Variants in GNG3 observed in about 807,000 individuals in gnomAD.
GNG3 encodes the protein guanine nucleotide-binding protein G(I)/G(S)/G(O) subunit gamma-3.
GNG3 carries 4 observed loss-of-function variants against 5.6 expected under a neutral mutation model. The ratio of observed to expected loss-of-function variants is 0.71; its 90% CI spans 0.35 to 1.63. GNG3 has a LOEUF of 1.63. Ranked by LOEUF, GNG3 falls within the 40% of genes most tolerant of loss-of-function variation. GNG3 has a pLI of 0.05. For synonymous variants in GNG3, 30 were observed against 33.5 expected (o/e 0.89, Z 0.36); for missense variants, 62 against 96.6 (o/e 0.64, Z 1.50).
upstream of GNG3, chr11:62,707,486 C>A: frequency 3.1e-6 from 2 of 652,116 alleles, no homozygotes; most frequent in Non-Finnish European, 2.8e-6. Flanking sequence ...GCCCAGACCA[C>A]GCCATTTGAG....
Position 62,709,070 on chromosome 11 carries a change from C to A in GNG3, c.*264C>A. The stretch of plus-strand genomic sequence containing the variant: ...GCAGGGCCCCGTCAGACTCTGCCAG[C>A]GCGTCCTGCCCGCTTCCCTCGGTGA... On this transcript the variant is annotated 3_prime_UTR_variant, in exon 3 of 3. Transcript: ENST00000294117. The A allele has an allele frequency of 4.1e-6, 2 of 493,822 alleles. No homozygotes were observed. Among genetic ancestry groups the A allele is most frequent in the Admixed American group, 2.7e-5 (1 of 37,264 alleles). The allele number at this position is 493,822 out of a possible 1,614,324, so 30.6% of individuals were successfully genotyped here.
chr11:62,708,043 C>T, intron 1 of GNG3, 128 bp downstream of exon 1: 2 of 531,298 alleles, frequency 3.8e-6, no homozygotes, highest in Admixed American at 3.1e-5. Flanking sequence ...GCTGAAAAGC[C>T]TTAAATCATT....
At position 62,707,686 on chromosome 11, in the gene GNG3, C is replaced by G. The variant is rs2083565645; in HGVS notation, c.-231C>G. 4 of 379,392 alleles carry G rather than the reference C, an allele frequency of 1.1e-5. No individual in the cohort carries two copies. The Admixed American group carries it at 1.1e-4, about 11-fold the overall frequency. The allele number at this position is 379,392 out of a possible 1,614,324, so 23.5% of individuals were successfully genotyped here. A position where few individuals can be genotyped will look rare whatever the true frequency, so the allele number is the denominator to read the frequency against. ...GGATCTGAGCAGCTCCTTCTAGCAT[C>G]CTTCATCCTTCAGGTACCAGCCATC... On this transcript the variant is annotated 5_prime_UTR_variant, in exon 1 of 3. In the 5' UTR this introduces an upstream ATG that the reference lacks. Coordinates refer to ENST00000294117, the MANE Select transcript of GNG3 (RefSeq NM_012202.5).
chr11:62,707,272 C>G (rs886871071), upstream of GNG3: 7 of 1,226,054 alleles, frequency 5.7e-6, no homozygotes, highest in Admixed American at 1.2e-4. Context: ...GCGATCCAGA[C>G]GCTGATACCT....
Position 62,708,303 on chromosome 11 carries a change from G to T in GNG3, c.8G>T (p.Gly3Val). The T allele has an allele frequency of 6.2e-7, 1 of 1,610,692 alleles. No homozygotes were observed. The highest frequency in any genetic ancestry group is 8.5e-7 in the Non-Finnish European group (1 of 1,176,776). MK[G>V]ETPVNSTMSI... ...GTCCCTCTTTTTTCCAGGATGAAAG[G>T]TGAGACCCCGGTGAACAGCACTATG... The change falls in exon 2 of 3, where the codon GGT becomes GTT. Residue 3 changes from glycine (G) to valine (V), a missense_variant. Transcript: ENST00000294117.
chr11:62,706,959 G>C (rs1417168788), upstream of GNG3: 1 of 703,858 alleles, frequency 1.4e-6, no homozygotes, highest in East Asian at 2.7e-5. Context: ...GGCCAGTGTT[G>C]TGTACATCTT....
chr11:62,709,011 C>A lies in GNG3; in HGVS notation c.*205C>A. 1 of 567,922 alleles carries A rather than the reference C, an allele frequency of 1.8e-6. No individual in the cohort carries two copies. Among genetic ancestry groups the A allele is most frequent in the East Asian group, 3.1e-5 (1 of 32,322 alleles). 35.2% of individuals were successfully genotyped at this position (567,922 alleles called of 1,614,324 possible). A position where few individuals can be genotyped will look rare whatever the true frequency, so the allele number is the denominator to read the frequency against. On this transcript the variant is annotated 3_prime_UTR_variant, in exon 3 of 3. Coordinates refer to ENST00000294117, the MANE Select transcript of GNG3 (RefSeq NM_012202.5). ...ACCTTTGTGGCCGACCCCAAGCACCCCAGAGATATGAGGCACCCTTTGCTC... is the reference window on the plus strand; with the variant it reads ...ACCTTTGTGGCCGACCCCAAGCACCACAGAGATATGAGGCACCCTTTGCTC...
chr11:62,707,559 T>A (rs1231643596), upstream of GNG3: 5 of 590,850 alleles, frequency 8.5e-6, no homozygotes, highest in Non-Finnish European at 1.5e-5. Flanking sequence ...TCAGGATGCC[T>A]GCAATGGGGG....
intron 2 of GNG3, 60 bp from the exon 3 acceptor site, chr11:62,708,618 G>A (rs1260935111): frequency 1.3e-6 from 2 of 1,598,244 alleles, no homozygotes; most frequent in Non-Finnish European, 1.7e-6. Flanking sequence ...ATTTGGGGAG[G>A]GAGGCTGCAG....
rs2083588529 is a variant in GNG3, at chr11:62,709,000, C to T, written c.*194C>T. 3.5e-6 allele frequency: 2 copies of T among 576,470 alleles called. No homozygotes were observed. Among genetic ancestry groups the T allele is most frequent in the Non-Finnish European group, 6.3e-6 (2 of 319,654 alleles). The allele number at this position is 576,470 out of a possible 1,614,324, so 35.7% of individuals were successfully genotyped here. ...CATTTCCTACCACCTTTGTGGCCGA[C>T]CCCAAGCACCCCAGAGATATGAGGC... On this transcript the variant is annotated 3_prime_UTR_variant, in exon 3 of 3. Transcript: ENST00000294117.
At chr11:62,707,273 G>T, upstream of GNG3, 3 of 1,220,420 alleles carry the variant, frequency 2.5e-6, no homozygotes, top group South Asian at 1.3e-5. Context: ...CGATCCAGAC[G>T]CTGATACCTG....
chr11:62,708,859 C>T lies in GNG3; in HGVS notation c.*53C>T, dbSNP rs547999028. ...CCCTTTTCCCTCTCCTGGGCCCTTC[C>T]TTAGGTCAGTAATTGTTGTGAGCCC... is the stretch of plus-strand genomic sequence containing the variant. On this transcript the variant is annotated 3_prime_UTR_variant, in exon 3 of 3. Coordinates refer to ENST00000294117, the MANE Select transcript of GNG3 (RefSeq NM_012202.5). 2 of 1,381,498 alleles carry T rather than the reference C, an allele frequency of 1.4e-6. No individual in the cohort carries two copies. The highest frequency in any genetic ancestry group is 2.3e-5 in the East Asian group (1 of 43,700). The allele number at this position is 1,381,498 out of a possible 1,614,324, so 85.6% of individuals were successfully genotyped here.
Position 62,709,005 on chromosome 11 carries a change from A to G in GNG3, c.*199A>G. The G allele has an allele frequency of 1.8e-6, 1 of 569,678 alleles. No homozygotes were observed. Among genetic ancestry groups the G allele is most frequent in the East Asian group, 3.1e-5 (1 of 32,688 alleles). 35.3% of individuals were successfully genotyped at this position (569,678 alleles called of 1,614,324 possible). On this transcript the variant is annotated 3_prime_UTR_variant, in exon 3 of 3. Transcript: ENST00000294117. ...CCTACCACCTTTGTGGCCGACCCCAAGCACCCCAGAGATATGAGGCACCCT... is the reference window on the plus strand; with the variant it reads ...CCTACCACCTTTGTGGCCGACCCCAGGCACCCCAGAGATATGAGGCACCCT...
Position 62,708,890 on chromosome 11 carries a change from G to A in GNG3, c.*84G>A, listed in dbSNP as rs1315500322. 3 of 1,045,180 alleles carry A rather than the reference G, an allele frequency of 2.9e-6. No homozygotes were observed. The highest frequency in any genetic ancestry group is 4.4e-6 in the Non-Finnish European group (3 of 680,572). The allele number at this position is 1,045,180 out of a possible 1,614,324, so 64.7% of individuals were successfully genotyped here. ...TCAGTAATTGTTGTGAGCCCCTTAGGCTCCTTGCATCCCATCCCTAACCCT... is the reference window on the plus strand; with the variant it reads ...TCAGTAATTGTTGTGAGCCCCTTAGACTCCTTGCATCCCATCCCTAACCCT... On this transcript the variant is annotated 3_prime_UTR_variant, in exon 3 of 3. Coordinates refer to ENST00000294117, the MANE Select transcript of GNG3 (RefSeq NM_012202.5).
At chr11:62,707,133 CT>C (rs1565154297), upstream of GNG3, 2 of 1,554,570 alleles carry the variant, frequency 1.3e-6, no homozygotes, top group Non-Finnish European at 1.7e-6. Context: ...GTCCTTTGAT[CT>C]GGTCTCCGCA....
chr11:62,706,707 G>C (rs1170148804), upstream of GNG3: 1 of 487,272 alleles, frequency 2.1e-6, no homozygotes, highest in Admixed American at 2.3e-5. Context: ...AGGACCTGTA[G>C]GCATCTAAGG....
intron 1 of GNG3, 173 bp downstream of exon 1, chr11:62,708,088 G>A (rs2083573121): frequency 2.0e-5 from 12 of 597,096 alleles, no homozygotes; most frequent in South Asian, 1.2e-4. Context: ...CCCAGGCCAT[G>A]AGGGAGTTTG....
upstream of GNG3, chr11:62,707,443 C>T: frequency 1.4e-6 from 1 of 695,884 alleles, no homozygotes; most frequent in Non-Finnish European, 2.6e-6. Flanking sequence ...TCCCCCGCAG[C>T]CAGTACAGAC....
chr11:62,706,668 G>A (rs1344671256), upstream of GNG3: 1 of 477,148 alleles, frequency 2.1e-6, no homozygotes, highest in Non-Finnish European at 4.3e-6. Flanking sequence ...TCATCCAGCT[G>A]GCGCTGATTT....
Sources: gnomAD v4.1 joint callset for allele counts on GRCh38, gnomAD v4.1.1 for gene constraint, MANE v1.5 for transcripts, NCBI Gene and HGNC (gene_info 2026-07-23, HGNC 2026-07-21) for gene names.